Variants in VPS35 observed in about 807,000 individuals in gnomAD.
VPS35 encodes vacuolar protein sorting-associated protein 35.
In VPS35, 21 loss-of-function variants were observed where a neutral mutation model predicts 98.1. That is an observed-to-expected ratio of 0.21 (90% CI 0.15 to 0.31). The LOEUF is 0.31. VPS35 is among the 10% of genes least tolerant of loss of function. The pLI, the probability that VPS35 is intolerant of heterozygous loss-of-function variation, is 1.00. For synonymous variants in VPS35, 268 were observed against 318.2 expected (o/e 0.84, Z 1.68); for missense variants, 554 against 950.8 (o/e 0.58, Z 5.49).
intron 1 of VPS35, 127 bp downstream of exon 1, chr16:46,689,004 T>C: frequency 6.5e-7 from 1 of 1,546,828 alleles, no homozygotes; most frequent in South Asian, 1.2e-5. Flanking sequence ...GCAGGCCAAA[T>C]CGGGCTGGTC....
Position 46,660,071 on chromosome 16 carries a change from C to T in VPS35, c.*401G>A, listed in dbSNP as rs553790361. ...ACTGGACTAGAAAACAAGAGACAGA[C>T]GCTTTTGGGTTAGTACTCCCCAGGA... On this transcript the variant is annotated 3_prime_UTR_variant, in exon 17 of 17. Coordinates refer to ENST00000299138, the MANE Select transcript of VPS35 (RefSeq NM_018206.6). 32 of 161,516 alleles carry T rather than the reference C, an allele frequency of 2.0e-4. No homozygotes were observed. The highest frequency in any genetic ancestry group is 2.8e-4 in the Non-Finnish European group (21 of 74,088). The allele number at this position is 161,516 out of a possible 1,614,324, so 10.0% of individuals were successfully genotyped here.
Position 46,661,882 on chromosome 16 carries a change from G to A in VPS35, c.2068-21C>T. 2 of 1,614,012 alleles carry A rather than the reference G, an allele frequency of 1.2e-6. No homozygotes were observed. The highest frequency in any genetic ancestry group is 2.2e-5 in the East Asian group (1 of 44,866). ...TGAAGCTAAAATAAAAGGGCAGGGG[G>A]ACAGTGAAGAGATTAATGAAACATC... On this transcript the variant is annotated intron_variant, in intron 15 of 16. Transcript: ENST00000299138. This position sits in a 1 kb window ranked among gnomAD's most constrained non-coding sequence, Gnocchi z 4.3.
chr16:46,683,236 A>C (rs1348303135), intron 2 of VPS35: 4 of 498,456 alleles, frequency 8.0e-6, no homozygotes, highest in Non-Finnish European at 1.5e-5. Context: ...TAATACAGTA[A>C]TGTGTAAATA....
rs1389507903 is a variant in VPS35 at position 46,657,624 on chromosome 16, G to C, written c.*2848C>G. On this transcript the variant is annotated 3_prime_UTR_variant, in exon 17 of 17. Coordinates refer to ENST00000299138, the MANE Select transcript of VPS35 (RefSeq NM_018206.6). ...TCTATCAGCAGGGGCTGTTTTTGCA[G>C]TTCATTAACCTGATGACCACCAATT... The C allele has an allele frequency of 1.3e-5, 2 of 152,280 alleles. No homozygotes were observed. The highest frequency in any genetic ancestry group is 4.8e-5 in the African/African-American group (2 of 41,552). 9.4% of individuals were successfully genotyped at this position (152,280 alleles called of 1,614,324 possible). A position where few individuals can be genotyped will look rare whatever the true frequency, so the allele number is the denominator to read the frequency against.
rs1966234679 is a variant in VPS35 at position 46,681,471 on chromosome 16, A to G, written c.229T>C (p.Leu77=). Residue 77 remains leucine (L), a synonymous_variant, in exon 4 of 17, where the codon TTG becomes CTG. Coordinates refer to ENST00000299138, the MANE Select transcript of VPS35 (RefSeq NM_018206.6). ...AACTCATCTGTCAGGTAGACCTCCAAGTAGTGCAGTTCATCAGAAATGGCC... is the reference window on the plus strand; with the variant it reads ...AACTCATCTGTCAGGTAGACCTCCAGGTAGTGCAGTTCATCAGAAATGGCC... The part of the protein sequence containing the change: ...YMAISDELHY[L]EVYLTDEFAK... 1.2e-6 allele frequency: 2 copies of G among 1,613,170 alleles called. No homozygotes were observed. Among genetic ancestry groups the G allele is most frequent in the Admixed American group, 1.7e-5 (1 of 59,990 alleles).
chr16:46,675,778 C>T (rs569154774), intron 8 of VPS35, among the ~76,000 whole-genome samples: 3 of 152,050 alleles, frequency 2.0e-5, no homozygotes, highest in South Asian at 4.2e-4. Context: ...AAAAAGCCAC[C>T]CATTGGCCAA....
In VPS35 at chr16:46,667,419, C is replaced by T. The variant is rs578256958; in HGVS notation, c.1647+1511G>A. ...CCCCATTCCATTGCCTGTCTCTTCA[C>T]TCTGCTGATTGTTTCCTTTGTTGTA... On this transcript the variant is annotated intron_variant, in intron 13 of 16. Coordinates refer to ENST00000299138, the MANE Select transcript of VPS35 (RefSeq NM_018206.6). Among the ~76,000 whole-genome samples the T allele has an allele frequency of 3.9e-5, 6 of 152,276 alleles. No individual in the cohort carries two copies. The South Asian group carries it at 1.0e-3, about 26-fold the overall frequency.
In VPS35 at chr16:46,662,215, G is replaced by A. The variant is rs761462194; in HGVS notation, c.2067+28C>T. The A allele has an allele frequency of 1.9e-6, 3 of 1,613,978 alleles. No individual in the cohort carries two copies. In the Admixed American group the frequency reaches 5.0e-5, roughly 27 times the overall value. On this transcript the variant is annotated intron_variant, in intron 15 of 16. Coordinates refer to ENST00000299138, the MANE Select transcript of VPS35 (RefSeq NM_018206.6). ...CTGATCCCTGTTATGGATCCTGTCT[G>A]CTATCATGCAGTCAGGAATGACCTT...
In VPS35 at chr16:46,680,794, T is replaced by C; in HGVS notation, c.383A>G (p.Asp128Gly). The C allele has an allele frequency of 6.2e-7, 1 of 1,614,058 alleles. No individual in the cohort carries two copies. The highest frequency in any genetic ancestry group is 8.5e-7 in the Non-Finnish European group (1 of 1,179,960). Residue 128 changes from aspartate to glycine, a missense_variant, in exon 5 of 17, where the codon GAT becomes GGT. This residue lies in a region of VPS35 where 77 missense variants were observed against 222.3 expected (regional missense o/e 0.35). Coordinates refer to ENST00000299138, the MANE Select transcript of VPS35 (RefSeq NM_018206.6). ...YVKSFPQSRK[D>G]ILKDLVEMCR... ...CATTTCTACCAAATCTTTCAAAATA[T>C]CCTTCCTGGACTGAGGAAATGACTT...
intron 14 of VPS35, among the ~76,000 whole-genome samples, chr16:46,662,775 C>T (rs1361391209): frequency 6.6e-6 from 1 of 152,178 alleles, no homozygotes; most frequent in African/African-American, 2.4e-5. Context: ...TTTACCATGA[C>T]CCACTTGGAA....
At chr16:46,666,153 C>G (rs1965985641) in intron 13 of VPS35, among the ~76,000 whole-genome samples, 1 of 152,020 alleles carries the variant, frequency 6.6e-6, no homozygotes. Flanking sequence ...ATCCACCCAC[C>G]TTGGCCTCCC....
At chr16:46,664,000 C>G (rs2143006121) in intron 13 of VPS35, among the ~76,000 whole-genome samples, 1 of 150,460 alleles carries the variant, frequency 6.6e-6, no homozygotes, top group South Asian at 2.1e-4. Context: ...CATGAGCCAT[C>G]ACACCTGGCT....
intron 1 of VPS35, chr16:46,688,681 C>G (rs1472498405): frequency 9.3e-7 from 1 of 1,070,054 alleles, no homozygotes; most frequent in African/African-American, 1.7e-5. Context: ...GTGGGGACGG[C>G]CGAGCACAAC....
rs747997807 is a variant in VPS35 at position 46,674,415 on chromosome 16, A to G, written c.1059T>C (p.Ser353=). ...PSEDVVSLQV[S]LINLAMKCYP... is the part of the protein sequence containing the mutation. ...AACATTTCATGGCAAGATTAATCAGAGAGACTTGTAAAGATACAACATCCT... is the reference window on the plus strand; with the variant it reads ...AACATTTCATGGCAAGATTAATCAGGGAGACTTGTAAAGATACAACATCCT... Residue 353 remains serine (S), a synonymous_variant, in exon 10 of 17, where the codon TCT becomes TCC. Transcript: ENST00000299138. 12 of 1,613,796 alleles carry G rather than the reference A, an allele frequency of 7.4e-6. No individual in the cohort carries two copies. Among genetic ancestry groups the G allele is most frequent in the Non-Finnish European group, 1.0e-5 (12 of 1,179,854 alleles).
chr16:46,675,184 A>G lies in VPS35; in HGVS notation c.915-524T>C, dbSNP rs1306286612. Among the ~76,000 whole-genome samples the G allele has an allele frequency of 2.0e-5, 3 of 151,938 alleles. No individual in the cohort carries two copies. The East Asian group carries it at 5.8e-4, about 29-fold the overall frequency. ...CCATATTAAGTAGATTTTCAACAAG[A>G]TAATTCTCTCAACTCTTTGAAGCAT... On this transcript the variant is annotated intron_variant, in intron 8 of 16. Coordinates refer to ENST00000299138, the MANE Select transcript of VPS35 (RefSeq NM_018206.6).
In VPS35 at chr16:46,656,503, T is replaced by G. The variant is rs1466218030; in HGVS notation, c.*3969A>C. 6.6e-6 allele frequency: 1 copy of G among 152,258 alleles called. No individual in the cohort carries two copies. The highest frequency in any genetic ancestry group is 6.5e-5 in the Admixed American group (1 of 15,290). The allele number at this position is 152,258 out of a possible 1,614,324, so 9.4% of individuals were successfully genotyped here. ...CCTTTAAGCTGTCCTTGTTCATTCC[T>G]GGGCATAGGTAGAACTAACCTTGGG... On this transcript the variant is annotated 3_prime_UTR_variant, in exon 17 of 17. Transcript: ENST00000299138.
intron 12 of VPS35, among the ~76,000 whole-genome samples, chr16:46,670,855 G>C (rs1966057828): frequency 6.6e-6 from 1 of 152,152 alleles, no homozygotes; most frequent in South Asian, 2.1e-4. Flanking sequence ...AATGAAGAAA[G>C]TCAACAGAAA....
chr16:46,662,384 A>C lies in VPS35; in HGVS notation c.1926T>G (p.Ser642Arg). 6.2e-7 allele frequency: 1 copy of C among 1,614,226 alleles called. No homozygotes were observed. Among genetic ancestry groups the C allele is most frequent in the Non-Finnish European group, 8.5e-7 (1 of 1,180,042 alleles). The change falls in exon 15 of 17, where the codon AGT (serine) becomes AGG (arginine). Residue 642 changes from serine (S) to arginine (R), a missense_variant. Physicochemically the swap from Ser to Arg is moderately radical, Grantham distance 110. Coordinates refer to ENST00000299138, the MANE Select transcript of VPS35 (RefSeq NM_018206.6). ...IGTFERMKCF[S>R]EENHEPLRTQ... is the part of the protein sequence containing the mutation. The stretch of plus-strand genomic sequence containing the variant: ...TCCTCAGAGGTTCGTGATTCTCTTC[A>C]CTGAAGCACTTCATCCTTTCAAAAG...
At chr16:46,669,170 C>T in intron 12 of VPS35, 118 bp from the exon 13 acceptor site, 1 of 1,280,130 alleles carries the variant, frequency 7.8e-7, no homozygotes, top group Non-Finnish European at 1.1e-6. Flanking sequence ...ATGTACCATA[C>T]TTTATGGTAG....
Sources: allele counts gnomAD v4.1 joint callset (sites outside exome capture counted in the v4.1 genomes callset), GRCh38; gene constraint gnomAD v4.1.1; regional missense constraint gnomAD v4.1.1; non-coding constraint Gnocchi (gnomAD v3.1); transcripts MANE v1.5; gene names NCBI Gene and HGNC (gene_info 2026-07-23, HGNC 2026-07-21).